PTGIS: variants seen among roughly 807,000 people sequenced by gnomAD.
The protein encoded by PTGIS is prostaglandin I2 synthase.
A neutral mutation model predicts 50.3 loss-of-function variants in PTGIS; 45 were observed. The ratio of observed to expected loss-of-function variants is 0.90; its 90% CI spans 0.70 to 1.15. The LOEUF (loss-of-function observed/expected upper bound fraction) is 1.15. Among genes scored for constraint, PTGIS ranks in the 50% most tolerant of loss-of-function variants. The pLI is 0.00. For synonymous variants in PTGIS, 260 were observed against 267.7 expected, an observed-to-expected ratio of 0.97 and a Z score of 0.28; for missense variants, 668 against 661.3, an observed-to-expected ratio of 1.01 and a Z score of -0.11.
At chr20:49,525,403 C>G (rs1981768779) in intron 5 of PTGIS, among the ~76,000 whole-genome samples, 3 of 152,182 alleles carry the variant, frequency 2.0e-5, no homozygotes, top group African/African-American at 4.8e-5. Flanking sequence ...CCACAGATCA[C>G]TAGCGTGCAT....
At chr20:49,513,602 T>TA (rs2122840630) in intron 7 of PTGIS, among the ~76,000 whole-genome samples, 1 of 152,246 alleles carries the variant, frequency 6.6e-6, no homozygotes, top group South Asian at 2.1e-4. Context: ...AACGGGCCCC[T>TA]GATTTTCCTC....
chr20:49,544,643 G>C (rs1393214682), intron 3 of PTGIS, among the ~76,000 whole-genome samples, 195 bp from the exon 4 acceptor site: 3 of 152,172 alleles, frequency 2.0e-5, no homozygotes, highest in African/African-American at 7.2e-5. Context: ...CTGTTATACT[G>C]AGCCTAATCT....
rs191434951 is a variant in PTGIS, at chr20:49,538,176, T to A, written c.673+1394A>T. ...AAGCTGAGGGGGAAGGATCACTTGA[T>A]CCCAGGAGATTGAGGCTGCAGTGAG... On this transcript the variant is annotated intron_variant, in intron 5 of 9. Transcript: ENST00000244043. Among the ~76,000 whole-genome samples the A allele has an allele frequency of 2.1e-5, 3 of 142,060 alleles. No homozygotes were observed. In the Admixed American group the frequency reaches 2.3e-4, roughly 11 times the overall value. The allele number at this position is 142,060 out of a possible 152,430, so 93.2% of individuals were successfully genotyped here.
At chr20:49,534,585 T>C (rs1030060506) in intron 5 of PTGIS, among the ~76,000 whole-genome samples, 6 of 152,110 alleles carry the variant, frequency 3.9e-5, no homozygotes, top group African/African-American at 7.2e-5. Flanking sequence ...CAATCAGTGC[T>C]AGGATGTGGC....
intron 5 of PTGIS, among the ~76,000 whole-genome samples, chr20:49,536,523 C>CAGGCTGGA (rs1982079759): frequency 6.9e-6 from 1 of 144,340 alleles, no homozygotes; most frequent in Non-Finnish European, 1.5e-5. Flanking sequence ...CTCTGTCGCC[C>CAGGCTGGA]AGGCTGGAGT....
At chr20:49,536,975 T>A (rs962205929) in intron 5 of PTGIS, among the ~76,000 whole-genome samples, 1 of 152,054 alleles carries the variant, frequency 6.6e-6, no homozygotes, top group Non-Finnish European at 1.5e-5. Flanking sequence ...CCACGGTCCC[T>A]CCAGAGAAAG....
chr20:49,532,948 G>GT (rs1248173408), intron 5 of PTGIS, among the ~76,000 whole-genome samples: 1 of 152,202 alleles, frequency 6.6e-6, no homozygotes, highest in Non-Finnish European at 1.5e-5. Flanking sequence ...TTATTACGAG[G>GT]TATTTCTTAT....
chr20:49,549,594 G>A (rs1420417330), intron 2 of PTGIS, among the ~76,000 whole-genome samples: 3 of 152,294 alleles, frequency 2.0e-5, no homozygotes, highest in African/African-American at 7.2e-5. Context: ...ATAGAAGATG[G>A]ATAAATGAAT....
At chr20:49,511,924 GATGGATGAATAA>G (rs1231192486) in intron 8 of PTGIS, among the ~76,000 whole-genome samples, 1 of 151,806 alleles carries the variant, frequency 6.6e-6, no homozygotes, top group Non-Finnish European at 1.5e-5. Context: ...TTGATGGGTG[GATGGATGAATAA>G]ATGGATGAAT....
At position 49,507,887 on chromosome 20, in the gene PTGIS, G is replaced by T; in HGVS notation, c.*33C>A. 1 of 1,606,748 alleles carries T rather than the reference G, an allele frequency of 6.2e-7. No homozygotes were observed. The highest frequency in any genetic ancestry group is 1.1e-5 in the South Asian group (1 of 91,054). ...GGGGCAGGCTGGGGCAGGCTGGGCA[G>T]AGGCGAGCACGTGGATCCATCTGCT... On this transcript the variant is annotated 3_prime_UTR_variant, in exon 10 of 10. Transcript: ENST00000244043.
At chr20:49,512,337 A>C (rs758128301) in intron 8 of PTGIS, among the ~76,000 whole-genome samples, 4 of 151,494 alleles carry the variant, frequency 2.6e-5, no homozygotes, top group Non-Finnish European at 4.4e-5. Flanking sequence ...GGATGGATGG[A>C]TAGATGAGTG....
intron 2 of PTGIS, 25 bp from the exon 3 acceptor site, chr20:49,548,044 G>T (rs1982410995): frequency 1.2e-6 from 2 of 1,610,120 alleles, no homozygotes; most frequent in Non-Finnish European, 8.5e-7. Context: ...CAGGGATAGA[G>T]TGAGGAGTGT....
chr20:49,565,127 C>T (rs970223999), intron 1 of PTGIS, among the ~76,000 whole-genome samples: 3 of 140,170 alleles, frequency 2.1e-5, no homozygotes, highest in Non-Finnish European at 4.6e-5. Flanking sequence ...CCTGCCACCA[C>T]GCCCGGCTAA....
At chr20:49,518,656 CAA>C (rs55943621) in intron 6 of PTGIS, among the ~76,000 whole-genome samples, 1 of 141,214 alleles carries the variant, frequency 7.1e-6, no homozygotes, top group African/African-American at 2.6e-5. Flanking sequence ...CTACTGAAGA[CAA>C]AAAAAAAAAC....
chr20:49,511,719 G>A (rs577334999), intron 8 of PTGIS, among the ~76,000 whole-genome samples: 16 of 152,220 alleles, frequency 1.1e-4, no homozygotes, highest in Non-Finnish European at 1.0e-4. Context: ...GGCAAGGGTT[G>A]TAGCTGAGCA....
Position 49,524,178 on chromosome 20 carries a change from C to T in PTGIS, c.735G>A (p.Arg245=). 2 of 1,614,172 alleles carry T rather than the reference C, an allele frequency of 1.2e-6. No individual in the cohort carries two copies. The highest frequency in any genetic ancestry group is 1.7e-6 in the Non-Finnish European group (2 of 1,180,026). The change falls in exon 6 of 10, where the codon AGG becomes AGA. Residue 245 remains arginine, a synonymous_variant. Transcript: ENST00000244043. ...SRLWKLLSPA[R]LARRAHRSKW... The stretch of plus-strand genomic sequence containing the variant: ...TGCTCCGGTGGGCCCGCCTGGCCAG[C>T]CTGGCTGGGGATAGCAGCTTCCACA...
chr20:49,524,230 T>C lies in PTGIS; in HGVS notation c.683A>G (p.Asp228Gly). ...ARGSLSVGDK[D>G]HMCSVKSRLW... ...GCGACTTTTGACACTGCACATGTGGTCCTTGTCCCCTGCAGGGACAGAGCA... is the reference window on the plus strand; with the variant it reads ...GCGACTTTTGACACTGCACATGTGGCCCTTGTCCCCTGCAGGGACAGAGCA... The change falls in exon 6 of 10, where the codon GAC becomes GGC. Residue 228 changes from aspartate (D) to glycine (G), a missense_variant. Coordinates refer to ENST00000244043, the MANE Select transcript of PTGIS (RefSeq NM_000961.4). 6.2e-7 allele frequency: 1 copy of C among 1,614,126 alleles called. No homozygotes were observed. The highest frequency in any genetic ancestry group is 8.5e-7 in the Non-Finnish European group (1 of 1,180,020).
rs557664456 is a variant in PTGIS, at chr20:49,514,525, A to G, written c.856-130T>C. On this transcript the variant is annotated intron_variant, in intron 6 of 9. Coordinates refer to ENST00000244043, the MANE Select transcript of PTGIS (RefSeq NM_000961.4). ...TCCCACTGCTGCCAAACACCCAGGC[A>G]TGACCAGTGTCTATCTCCAGCCTCA... 1,008 of 1,121,100 alleles carry G rather than the reference A, an allele frequency of 9.0e-4. 23 individuals carry two copies. The South Asian group carries it at 0.013, about 14-fold the overall frequency. The allele number at this position is 1,121,100 out of a possible 1,614,324, so 69.4% of individuals were successfully genotyped here. A position where few individuals can be genotyped will look rare whatever the true frequency, so the allele number is the denominator to read the frequency against.
At chr20:49,536,481 T>TCTTTCTTTCTTTCTTTC (rs1475507632) in intron 5 of PTGIS, among the ~76,000 whole-genome samples, 2 of 134,452 alleles carry the variant, frequency 1.5e-5, no homozygotes, top group African/African-American at 5.9e-5. Context: ...TTTCTTTCTT[T>TCTTTCTTTCTTTCTTTC]TTTTTTTTTT....
Sources: gnomAD v4.1 joint callset for allele counts (sites outside exome capture counted in the v4.1 genomes callset) on GRCh38, gnomAD v4.1.1 for gene constraint, MANE v1.5 for transcripts, NCBI Gene and HGNC (gene_info 2026-07-23, HGNC 2026-07-21) for gene names.